Variants in NOP16 observed in about 807,000 individuals in gnomAD.
NOP16 encodes nucleolar protein 16.
NOP16 carries 14 observed loss-of-function variants against 22.7 expected under a neutral mutation model. The ratio of observed to expected loss-of-function variants is 0.62; its 90% CI spans 0.41 to 0.97. The LOEUF is 0.97. Among genes scored for constraint, NOP16 ranks in the 50% least tolerant of loss-of-function variants. NOP16 has a pLI of 0.00. For missense variants in NOP16, 198 were observed against 235.9 expected (o/e 0.84, Z 1.05); for synonymous variants, 80 against 83.6 (o/e 0.96, Z 0.23).
At chr5:176,387,084 T>TTC in intron 2 of NOP16, 175 bp from the exon 3 acceptor site, 1 of 587,790 alleles carries the variant, frequency 1.7e-6, no homozygotes, top group Non-Finnish European at 3.0e-6. Context: ...CTCTCTTTTT[T>TTC]TTTTTCTTTT....
chr5:176,387,071 TCTCTCTC>T, intron 2 of NOP16, 162 bp from the exon 3 acceptor site: 1 of 590,998 alleles, frequency 1.7e-6, no homozygotes, highest in South Asian at 2.1e-5. Context: ...TTTTTCTCTC[TCTCTCTC>T]TTTTTTTTTT....
At chr5:176,385,661 C>T (rs1243350961) in intron 3 of NOP16, among the ~76,000 whole-genome samples, 1 of 152,220 alleles carries the variant, frequency 6.6e-6, no homozygotes, top group Non-Finnish European at 1.5e-5. Flanking sequence ...GATGAAGGCA[C>T]ATACCTGCCC....
At chr5:176,386,443 G>A (rs1384223501) in intron 3 of NOP16, 3 of 307,424 alleles carry the variant, frequency 9.8e-6, no homozygotes, top group Admixed American at 4.0e-5. Context: ...CCGTTTTAGC[G>A]TTCACTCTCT....
chr5:176,386,620 C>T, intron 3 of NOP16: 3 of 643,466 alleles, frequency 4.7e-6, no homozygotes, highest in Non-Finnish European at 8.7e-6. Context: ...CCTCCCTAAA[C>T]ATCTCTGACC....
chr5:176,385,255 C>T lies in NOP16; in HGVS notation c.359G>A (p.Arg120His), dbSNP rs778885926. Residue 120 changes from arginine (R) to histidine (H), a missense_variant, in exon 4 of 5, where the codon CGC (arginine) becomes CAC (histidine). By Grantham distance (29) the Arg-to-His change is conservative. Transcript: ENST00000614830. The part of the protein sequence containing the change: ...TLSRDLIDYV[R>H]YMVENHGEDY... Reference sequence around the variant, plus strand: ...CTCCCCGTGGTTCTCTACCATGTAGCGTACATAGTCAATGAGGTCCCGAGA... The same window carrying T: ...CTCCCCGTGGTTCTCTACCATGTAGTGTACATAGTCAATGAGGTCCCGAGA... 1.5e-5 allele frequency: 24 copies of T among 1,611,022 alleles called. No homozygotes were observed. Among genetic ancestry groups the T allele is most frequent in the Middle Eastern group, 3.3e-4 (2 of 6,058 alleles).
chr5:176,387,758 CG>C (rs1269188619), intron 2 of NOP16, among the ~76,000 whole-genome samples: 2 of 152,138 alleles, frequency 1.3e-5, no homozygotes, highest in Non-Finnish European at 2.9e-5. Context: ...AAAAATCAGC[CG>C]GGTATGGTGG....
intron 3 of NOP16, chr5:176,386,244 A>G (rs1755836730): frequency 5.8e-6 from 1 of 173,608 alleles, no homozygotes; most frequent in African/African-American, 2.4e-5. Context: ...TGGTATATAC[A>G]ATCCTGTGCA....
At chr5:176,387,060 C>T in intron 2 of NOP16, 151 bp from the exon 3 acceptor site, 1 of 593,352 alleles carries the variant, frequency 1.7e-6, no homozygotes, top group Non-Finnish European at 3.0e-6. Flanking sequence ...GCCCTGGAGG[C>T]TTTTTCTCTC....
intron 2 of NOP16, 99 bp downstream of exon 2, chr5:176,388,136 C>T: frequency 1.1e-6 from 1 of 898,350 alleles, no homozygotes. Context: ...TCGGAAGGGC[C>T]TGAGGGAAGG....
At position 176,388,308 on chromosome 5, in the gene NOP16, G is replaced by T. The variant is rs761435181; in HGVS notation, c.143C>A (p.Ser48Ter). Residue 48 changes from serine to a stop codon, truncating the protein, a stop_gained, in exon 2 of 5, where the codon TCG (serine) becomes TAG (stop). Transcript: ENST00000614830. LOFTEE classifies it high-confidence loss of function. ...CATCTCGGCCAGGTTCTGCCGTACC[G>T]ATTTAGCGTGGTCCCAGGCATGTCG... ...HIRHAWDHAK[S>*]VRQNLAEMGL... The T allele has an allele frequency of 4.2e-5, 68 of 1,614,088 alleles. No individual in the cohort carries two copies. The highest frequency in any genetic ancestry group is 5.7e-5 in the Non-Finnish European group (67 of 1,180,032).
chr5:176,384,955 T>A (rs1755714007), intron 4 of NOP16: 1 of 580,014 alleles, frequency 1.7e-6, no homozygotes, highest in Admixed American at 3.0e-5. Context: ...AGCAAGACTC[T>A]GTCTTGAAAA....
chr5:176,384,844 C>A, intron 4 of NOP16: 1 of 465,714 alleles, frequency 2.1e-6, no homozygotes, highest in Non-Finnish European at 3.8e-6. Context: ...GCTCATGACC[C>A]ATCATAGCCA....
chr5:176,386,131 G>C (rs1405404709), intron 3 of NOP16: 3 of 155,344 alleles, frequency 1.9e-5, no homozygotes, highest in Non-Finnish European at 2.9e-5. Context: ...TTACTGAACA[G>C]TGCACTTAAA....
intron 4 of NOP16, 48 bp from the exon 5 acceptor site, chr5:176,384,422 C>G: frequency 1.9e-6 from 3 of 1,555,454 alleles, no homozygotes; most frequent in Middle Eastern, 3.5e-4. Context: ...GGCAAAGGCT[C>G]AAATCTGAAC....
chr5:176,388,153 C>T (rs1314983016), intron 2 of NOP16, 82 bp downstream of exon 2: 2 of 1,026,852 alleles, frequency 1.9e-6, no homozygotes, highest in South Asian at 1.4e-5. Flanking sequence ...AAGGAATGGG[C>T]AGTACCACGT....
intron 3 of NOP16, 48 bp from the exon 4 acceptor site, chr5:176,385,375 C>G: frequency 8.6e-7 from 1 of 1,168,556 alleles, no homozygotes; most frequent in Non-Finnish European, 1.3e-6. Context: ...GCTTTGCTTT[C>G]TGTGCTCTTT....
In NOP16 at chr5:176,386,937, GA is replaced by G. The variant is rs751964380; in HGVS notation, c.217-29del. 10 of 1,603,856 alleles carry G rather than the reference GA, an allele frequency of 6.2e-6. No homozygotes were observed. The African/African-American group carries it at 1.2e-4, about 19-fold the overall frequency. ...GCAGAGAACAGAGCCCTTGAGACCA[GA>G]AGGATCTTTGATGAGGGAAAGTTAT... On this transcript the variant is annotated intron_variant, in intron 2 of 4. Transcript: ENST00000614830.
At chr5:176,387,823 C>T (rs1756005138) in intron 2 of NOP16, among the ~76,000 whole-genome samples, 1 of 152,110 alleles carries the variant, frequency 6.6e-6, no homozygotes, top group Non-Finnish European at 1.5e-5. Flanking sequence ...ATAGCTTGAA[C>T]CCGGGAAGGA....
chr5:176,385,099 G>A, intron 4 of NOP16, 122 bp downstream of exon 4: 1 of 728,264 alleles, frequency 1.4e-6, no homozygotes, highest in Non-Finnish European at 2.5e-6. Flanking sequence ...CCATTTCCTA[G>A]AGTCTCTTTT....
Sources: gnomAD v4.1 joint callset for allele counts (sites outside exome capture counted in the v4.1 genomes callset) on GRCh38, gnomAD v4.1.1 for gene constraint, MANE v1.5 for transcripts, NCBI Gene and HGNC (gene_info 2026-07-23, HGNC 2026-07-21) for gene names.